The following NIPA2 variants were observed in gnomAD, a reference collection of about 807,000 sequenced individuals.
NIPA2 encodes magnesium transporter NIPA2.
In NIPA2, 11 loss-of-function variants were observed where a neutral mutation model predicts 29.7. The ratio of observed to expected loss-of-function variants is 0.37; its 90% confidence interval spans 0.23 to 0.61. The LOEUF (loss-of-function observed/expected upper bound fraction) is 0.61. NIPA2 is among the 20% of genes least tolerant of loss of function. The pLI is 0.66. For synonymous variants in NIPA2, 183 were observed against 161.9 expected, an observed-to-expected ratio of 1.13 and a Z score of -0.99; for missense variants, 426 against 437.9, an observed-to-expected ratio of 0.97 and a Z score of 0.24.
chr15:22,844,546 T>C (rs565887189), intron 2 of NIPA2, among the ~76,000 whole-genome samples: 1 of 132,324 alleles, frequency 7.6e-6, no homozygotes. Flanking sequence ...AGTGCAAGAC[T>C]GTGACTCAAA....
At chr15:22,857,072 T>G (rs1466418257) in intron 5 of NIPA2, among the ~76,000 whole-genome samples, 1 of 151,200 alleles carries the variant, frequency 6.6e-6, no homozygotes, top group Non-Finnish European at 1.5e-5. Context: ...CCCTCACTGT[T>G]TTTCTTCATA....
At chr15:22,848,909 AC>A (rs1272688290) in intron 3 of NIPA2, among the ~76,000 whole-genome samples, 1 of 151,594 alleles carries the variant, frequency 6.6e-6, no homozygotes, top group East Asian at 1.9e-4. Context: ...CTATTTTGAG[AC>A]TACCAGATAG....
chr15:22,850,748 A>G (rs1164638174), intron 3 of NIPA2, among the ~76,000 whole-genome samples: 2 of 152,212 alleles, frequency 1.3e-5, no homozygotes, highest in Non-Finnish European at 2.9e-5. Context: ...CCAGTGTCTC[A>G]TAACTTGAAG....
At chr15:22,849,491 A>G (rs1365592717) in intron 3 of NIPA2, among the ~76,000 whole-genome samples, 1 of 152,008 alleles carries the variant, frequency 6.6e-6, no homozygotes, top group Admixed American at 6.6e-5. Context: ...AGTCTCATCC[A>G]TGAGATTATG....
At chr15:22,843,309 C>G (rs1472018895) in intron 2 of NIPA2, among the ~76,000 whole-genome samples, 1 of 151,996 alleles carries the variant, frequency 6.6e-6, no homozygotes, top group Non-Finnish European at 1.5e-5. Flanking sequence ...TCGAGACCAT[C>G]CTGGCTAACA....
chr15:22,843,943 C>T (rs1291949763), intron 2 of NIPA2, among the ~76,000 whole-genome samples: 1 of 152,172 alleles, frequency 6.6e-6, no homozygotes, highest in East Asian at 1.9e-4. Flanking sequence ...GGTGATCTCC[C>T]ACCTCGGCCT....
chr15:22,844,131 G>A (rs1897915681), intron 2 of NIPA2, among the ~76,000 whole-genome samples: 1 of 152,286 alleles, frequency 6.6e-6, no homozygotes, highest in African/African-American at 2.4e-5. Flanking sequence ...CTTAAATCAT[G>A]TGTTTTCCAC....
At chr15:22,855,848 G>T (rs1421616580) in intron 5 of NIPA2, among the ~76,000 whole-genome samples, 2 of 152,150 alleles carry the variant, frequency 1.3e-5, no homozygotes, top group African/African-American at 4.8e-5. Context: ...GGCCACGAGT[G>T]GGGAGCATGC....
At chr15:22,852,273 C>A (rs1000117723) in intron 4 of NIPA2, among the ~76,000 whole-genome samples, 3 of 152,042 alleles carry the variant, frequency 2.0e-5, no homozygotes, top group African/African-American at 7.2e-5. Context: ...TCGAGACCAG[C>A]CTGGCAAACA....
In NIPA2 at chr15:22,867,343, T is replaced by TAA. The variant is rs1006044245; in HGVS notation, c.*497_*498dup. On this transcript the variant is annotated 3_prime_UTR_variant, in exon 8 of 8. Coordinates refer to ENST00000337451, the MANE Select transcript of NIPA2 (RefSeq NM_030922.7). ...TTGGTTTTATTTTTGAAATATTTATTAAGGGAAAACTAAGTTACTGAATGA... is the reference window on the plus strand; with the variant it reads ...TTGGTTTTATTTTTGAAATATTTATTAAAAGGGAAAACTAAGTTACTGAATGA... 2.5e-6 allele frequency: 1 copy of TAA among 395,990 alleles called. No homozygotes were observed. The highest frequency in any genetic ancestry group is 3.6e-5 in the East Asian group (1 of 27,886). 24.5% of individuals were successfully genotyped at this position (395,990 alleles called of 1,614,324 possible).
chr15:22,839,378 TGTTA>T (rs1896400636), intron 1 of NIPA2, among the ~76,000 whole-genome samples: 1 of 152,218 alleles, frequency 6.6e-6, no homozygotes, highest in Non-Finnish European at 1.5e-5. Context: ...TTTTCTAGGT[TGTTA>T]GTTCATTTAA....
intron 2 of NIPA2, among the ~76,000 whole-genome samples, chr15:22,842,498 G>C (rs1369322742): frequency 1.3e-5 from 2 of 151,412 alleles, no homozygotes; most frequent in Admixed American, 6.6e-5. Context: ...GACCATCCTG[G>C]CTAACATGGT....
intron 7 of NIPA2, among the ~76,000 whole-genome samples, chr15:22,861,128 A>G (rs1292927365): frequency 2.0e-5 from 3 of 152,086 alleles, no homozygotes; most frequent in Non-Finnish European, 4.4e-5. Context: ...AGTCTTTATT[A>G]TGGTTGTTGT....
At position 22,866,944 on chromosome 15, in the gene NIPA2, T is replaced by C. The variant is rs1304107355; in HGVS notation, c.*97T>C. 3.4e-6 allele frequency: 4 copies of C among 1,176,592 alleles called. No individual in the cohort carries two copies. In the African/African-American group the frequency reaches 4.6e-5, roughly 13 times the overall value. The allele number at this position is 1,176,592 out of a possible 1,614,324, so 72.9% of individuals were successfully genotyped here. On this transcript the variant is annotated 3_prime_UTR_variant, in exon 8 of 8. Transcript: ENST00000337451. The stretch of plus-strand genomic sequence containing the variant: ...AAAACATTGTCCTCAAATAATGTTC[T>C]TTAAAGGCAATCTTTTTAAAGATTT...
At chr15:22,857,816 G>A (rs1308342934) in intron 5 of NIPA2, among the ~76,000 whole-genome samples, 15 of 125,146 alleles carry the variant, frequency 1.2e-4, no homozygotes, top group Non-Finnish European at 2.0e-4. Context: ...CAGCCTGGGC[G>A]ATAGAGCAAG....
At chr15:22,865,896 C>T (rs2059021095) in intron 7 of NIPA2, among the ~76,000 whole-genome samples, 1 of 152,102 alleles carries the variant, frequency 6.6e-6, no homozygotes, top group Non-Finnish European at 1.5e-5. Flanking sequence ...GGTTTCTCCT[C>T]CCTAGTTTCT....
chr15:22,858,248 G>T (rs1246028099), intron 5 of NIPA2, among the ~76,000 whole-genome samples: 8 of 151,954 alleles, frequency 5.3e-5, no homozygotes, highest in Non-Finnish European at 5.9e-5. Context: ...AAAAAAATTA[G>T]CTGGGCATAG....
intron 2 of NIPA2, among the ~76,000 whole-genome samples, chr15:22,844,778 CA>C (rs1404903160): frequency 5.9e-5 from 9 of 152,052 alleles, no homozygotes; most frequent in African/African-American, 2.2e-4. Context: ...ACAACAACAA[CA>C]AAAAAGCCCT....
At chr15:22,858,690 G>T (rs2058389022) in intron 6 of NIPA2, 60 bp downstream of exon 6, 2 of 1,004,144 alleles carry the variant, frequency 2.0e-6, no homozygotes, top group Non-Finnish European at 1.4e-6. Context: ...AAAATATTCA[G>T]TACCATCTAA....
Sources: allele counts gnomAD v4.1 joint callset (sites outside exome capture counted in the v4.1 genomes callset), GRCh38; gene constraint gnomAD v4.1.1; transcripts MANE v1.5; gene names NCBI Gene and HGNC (gene_info 2026-07-23, HGNC 2026-07-21).